The following XPR1 variants were observed in gnomAD, a reference collection of about 807,000 sequenced individuals.
XPR1 encodes the protein solute carrier family 53 member 1.
A neutral mutation model predicts 87.5 loss-of-function variants in XPR1; 28 were observed. The ratio of observed to expected loss-of-function variants is 0.32; its 90% confidence interval spans 0.24 to 0.44. The LOEUF (loss-of-function observed/expected upper bound fraction) is 0.44. Among genes scored for constraint, XPR1 ranks in the 20% least tolerant of loss-of-function variants. XPR1 has a pLI of 1.00. For missense variants in XPR1, 559 were observed against 862.3 expected, an observed-to-expected ratio of 0.65 and a Z score of 4.41; for synonymous variants, 300 against 306.1, an observed-to-expected ratio of 0.98 and a Z score of 0.21.
intron 2 of XPR1, among the ~76,000 whole-genome samples, chr1:180,731,185 GTTTAAAATTT>G (rs1658544694): frequency 6.6e-6 from 1 of 152,188 alleles, no homozygotes; most frequent in Non-Finnish European, 1.5e-5. Flanking sequence ...CACATATGCA[GTTTAAAATTT>G]TCTGTAGGTA....
At chr1:180,798,257 G>T (rs913407322) in intron 3 of XPR1, among the ~76,000 whole-genome samples, 1 of 151,720 alleles carries the variant, frequency 6.6e-6, no homozygotes, top group Non-Finnish European at 1.5e-5. Flanking sequence ...TTTTTTTAAA[G>T]GACCAATTAG....
At chr1:180,817,236 T>A (rs1650440971) in intron 7 of XPR1, among the ~76,000 whole-genome samples, 1 of 152,192 alleles carries the variant, frequency 6.6e-6, no homozygotes, top group Non-Finnish European at 1.5e-5. Flanking sequence ...GGTTTAAAAA[T>A]TTTTTAAGTT....
chr1:180,695,189 GTCT>G (rs750392276), intron 2 of XPR1, among the ~76,000 whole-genome samples: 6 of 152,130 alleles, frequency 3.9e-5, no homozygotes, highest in Non-Finnish European at 5.9e-5. Flanking sequence ...CCATTTGTAT[GTCT>G]TCTTCTGAGA....
intron 11 of XPR1, among the ~76,000 whole-genome samples, chr1:180,861,375 T>G (rs1652215607): frequency 6.6e-6 from 1 of 152,122 alleles, no homozygotes; most frequent in Admixed American, 6.6e-5. Context: ...TGAACCTTAG[T>G]AGATGAATTG....
intron 1 of XPR1, among the ~76,000 whole-genome samples, chr1:180,651,718 T>G (rs1055148881): frequency 5.3e-5 from 8 of 152,184 alleles, no homozygotes; most frequent in Admixed American, 4.6e-4. Flanking sequence ...ATATTTAAAT[T>G]GTAGCCATGA....
intron 2 of XPR1, among the ~76,000 whole-genome samples, chr1:180,780,653 AACT>A (rs1648898753): frequency 6.7e-6 from 1 of 149,452 alleles, no homozygotes; most frequent in Non-Finnish European, 1.5e-5. Context: ...CTGTAGTCCC[AACT>A]ACTGGGGAGG....
intron 12 of XPR1, among the ~76,000 whole-genome samples, chr1:180,873,096 T>C (rs948641929): frequency 1.3e-5 from 2 of 152,162 alleles, no homozygotes; most frequent in Admixed American, 6.5e-5. Context: ...AATACATATA[T>C]TTAAAGAGCT....
At chr1:180,740,843 T>A (rs1383508925) in intron 2 of XPR1, among the ~76,000 whole-genome samples, 1 of 152,178 alleles carries the variant, frequency 6.6e-6, no homozygotes, top group Non-Finnish European at 1.5e-5. Flanking sequence ...GATTCCCATG[T>A]CTGAAGGGCC....
At chr1:180,658,496 A>T (rs1310528407) in intron 1 of XPR1, among the ~76,000 whole-genome samples, 2 of 152,070 alleles carry the variant, frequency 1.3e-5, no homozygotes, top group Non-Finnish European at 2.9e-5. Flanking sequence ...TTTTATTATG[A>T]GAGGATGTTG....
At chr1:180,683,672 A>G (rs1043084052) in intron 2 of XPR1, among the ~76,000 whole-genome samples, 1 of 152,056 alleles carries the variant, frequency 6.6e-6, no homozygotes, top group African/African-American at 2.4e-5. Flanking sequence ...CTGGTGTGAG[A>G]TGGTATCCCA....
At position 180,765,618 on chromosome 1, in the gene XPR1, A is replaced by G. The variant is rs964166894; in HGVS notation, c.122-22135A>G. Among the ~76,000 whole-genome samples the G allele has an allele frequency of 3.9e-5, 6 of 152,226 alleles. 1 individual carries two copies. Among genetic ancestry groups the G allele is most frequent in the Admixed American group, 1.3e-4 (2 of 15,282 alleles). On this transcript the variant is annotated intron_variant, in intron 2 of 14. Transcript: ENST00000367590. ...AAATGGCATAGTATTTACATATAAC[A>G]TAAGTACATTTTCCTGTATGTTTTA... is the stretch of plus-strand genomic sequence containing the variant.
chr1:180,804,895 G>A (rs1214401364), intron 4 of XPR1, among the ~76,000 whole-genome samples: 1 of 152,006 alleles, frequency 6.6e-6, no homozygotes, highest in Non-Finnish European at 1.5e-5. Flanking sequence ...TAATGGTATA[G>A]CAACATTACC....
intron 2 of XPR1, among the ~76,000 whole-genome samples, chr1:180,728,305 G>GGC (rs1553241810): frequency 6.9e-6 from 1 of 144,036 alleles, no homozygotes; most frequent in South Asian, 2.4e-4. Flanking sequence ...ACTGGGGGGG[G>GGC]GGGTAGTAAT....
In XPR1 at chr1:180,759,699, G is replaced by T. The variant is rs1647920812; in HGVS notation, c.122-28054G>T. The stretch of plus-strand genomic sequence containing the variant: ...TCTACCAGAGGTACAAGGAGGAGCT[G>T]GTACCATTCCTTCTGAAACTATTCC... On this transcript the variant is annotated intron_variant, in intron 2 of 14. Coordinates refer to ENST00000367590, the MANE Select transcript of XPR1 (RefSeq NM_004736.4). 2.6e-5 allele frequency among the ~76,000 whole-genome samples: 4 copies of T among 152,244 alleles called. No homozygotes were observed. In the South Asian group the frequency reaches 8.3e-4, roughly 32 times the overall value.
At chr1:180,718,910 G>A (rs951469636) in intron 2 of XPR1, among the ~76,000 whole-genome samples, 6 of 151,968 alleles carry the variant, frequency 3.9e-5, no homozygotes, top group Non-Finnish European at 8.8e-5. Context: ...CTCATGATCC[G>A]CCCACCTTGG....
chr1:180,717,143 C>T lies in XPR1; in HGVS notation c.121+34732C>T, dbSNP rs181936582. 3.5e-3 allele frequency among the ~76,000 whole-genome samples: 527 copies of T among 152,268 alleles called. 4 individuals are homozygous for T. Among genetic ancestry groups the T allele is most frequent in the African/African-American group, 0.012 (517 of 41,550 alleles). ...GAGTAGCTGGGATTACAGGTGCCTG[C>T]CACCATACCCAGCTAATTTTTGTAT... On this transcript the variant is annotated intron_variant, in intron 2 of 14. Transcript: ENST00000367590.
At chr1:180,658,182 T>C (rs1655604859) in intron 1 of XPR1, among the ~76,000 whole-genome samples, 1 of 152,238 alleles carries the variant, frequency 6.6e-6, no homozygotes, top group Non-Finnish European at 1.5e-5. Flanking sequence ...CTAATAGTCT[T>C]TTCGGTGGAA....
intron 3 of XPR1, among the ~76,000 whole-genome samples, chr1:180,797,823 A>G (rs12076029): frequency 0.022 from 3,331 of 152,290 alleles, 115 homozygotes; most frequent in African/African-American, 0.076. Flanking sequence ...GAACCTGATT[A>G]CTTAATAAAT....
At chr1:180,707,603 T>C (rs1478408339) in intron 2 of XPR1, among the ~76,000 whole-genome samples, 1 of 152,192 alleles carries the variant, frequency 6.6e-6, no homozygotes, top group East Asian at 1.9e-4. Context: ...TGTTCCTGTT[T>C]ATAGATTTTG....
Sources: allele counts gnomAD v4.1 joint callset (sites outside exome capture counted in the v4.1 genomes callset), GRCh38; gene constraint gnomAD v4.1.1; transcripts MANE v1.5; gene names NCBI Gene and HGNC (gene_info 2026-07-23, HGNC 2026-07-21).